Variants in DCAF6 observed in about 807,000 individuals in gnomAD.
The protein encoded by DCAF6 is DDB1 and CUL4 associated factor 6, also known as DDB1- and CUL4-associated factor 6.
In DCAF6, 54 loss-of-function variants were observed where a neutral mutation model predicts 125.1. The observed-to-expected ratio is 0.43, with a 90% CI of 0.35 to 0.54. The LOEUF (loss-of-function observed/expected upper bound fraction) is 0.54, where lower values mean the gene tolerates loss of function less well. Among genes scored for constraint, DCAF6 ranks in the 20% least tolerant of loss-of-function variants. The pLI, the probability that DCAF6 is intolerant of heterozygous loss-of-function variation, is 0.01. For missense variants in DCAF6, 934 were observed against 1,161.7 expected (o/e 0.80, Z 2.85); for synonymous variants, 371 against 390.4 (o/e 0.95, Z 0.58).
chr1:167,880,201 G>A, the DCAF6 span: 1 of 1,609,854 alleles, frequency 6.2e-7, no homozygotes, highest in South Asian at 1.1e-5. Context: ...TCTGGTGCAG[G>A]GGAGACAAGA....
chr1:168,024,755 GATTGCGCC>G (rs1002303877), intron 12 of DCAF6, among the ~76,000 whole-genome samples: 2 of 148,756 alleles, frequency 1.3e-5, no homozygotes, highest in Admixed American at 6.8e-5. Flanking sequence ...AGTGAGCCGA[GATTGCGCC>G]ATTGCACTCC....
intron 4 of DCAF6, among the ~76,000 whole-genome samples, chr1:167,978,316 C>T (rs557353515): frequency 3.9e-5 from 6 of 152,158 alleles, no homozygotes; most frequent in African/African-American, 9.7e-5. Flanking sequence ...AGTGTAGTAA[C>T]GACTTACATT....
At position 167,936,884 on chromosome 1, in the gene DCAF6, T is replaced by TC. The variant is rs1433263076; in HGVS notation, c.-24dup. The TC allele has an allele frequency of 1.1e-5, 16 of 1,478,484 alleles. No individual in the cohort carries two copies. In the South Asian group the frequency reaches 1.8e-4, roughly 17 times the overall value. 91.6% of individuals were successfully genotyped at this position (1,478,484 alleles called of 1,614,324 possible). A position where few individuals can be genotyped will look rare whatever the true frequency, so the allele number is the denominator to read the frequency against. ...TCCTCCCCTCCCCCACGCGGTGGTCTCCCCTCCCACCCGGCTCAGGCAGAG... is the reference window on the plus strand; with the variant it reads ...TCCTCCCCTCCCCCACGCGGTGGTCTCCCCCTCCCACCCGGCTCAGGCAGAG... On this transcript the variant is annotated 5_prime_UTR_variant, in exon 1 of 22. Coordinates refer to ENST00000367840, the MANE Select transcript of DCAF6 (RefSeq NM_001198956.2).
At chr1:168,022,386 A>C (rs1262643945) in intron 11 of DCAF6, among the ~76,000 whole-genome samples, 1 of 152,238 alleles carries the variant, frequency 6.6e-6, no homozygotes, top group Non-Finnish European at 1.5e-5. Context: ...ACGCTAAAGA[A>C]ACTTGAGCCT....
chr1:167,917,335 C>T, the DCAF6 span: 1 of 152,256 alleles, frequency 6.6e-6, no homozygotes, highest in Admixed American at 6.5e-5. Flanking sequence ...TATGGTGGCT[C>T]ATGCCTGTAT....
chr1:167,891,138 T>C, the DCAF6 span, among the ~76,000 whole-genome samples: 1 of 151,990 alleles, frequency 6.6e-6, no homozygotes, highest in African/African-American at 2.4e-5. Context: ...ATTTTTGTAT[T>C]TTTAGTAGAG....
intron 1 of DCAF6, among the ~76,000 whole-genome samples, chr1:167,951,596 C>T (rs1673953946): frequency 6.6e-6 from 1 of 151,916 alleles, no homozygotes; most frequent in African/African-American, 2.4e-5. Context: ...AAACAAAAAA[C>T]TGCGTGAGGT....
chr1:167,869,828 T>A, the DCAF6 span, among the ~76,000 whole-genome samples: 1 of 152,038 alleles, frequency 6.6e-6, no homozygotes, highest in African/African-American at 2.4e-5. Context: ...GCCTGCCGAT[T>A]CTCCCAGCTG....
chr1:167,872,186 A>G, the DCAF6 span, among the ~76,000 whole-genome samples: 3 of 152,144 alleles, frequency 2.0e-5, no homozygotes, highest in African/African-American at 7.2e-5. Context: ...TAAAAATACA[A>G]AATTAGCCGG....
the DCAF6 span, among the ~76,000 whole-genome samples, chr1:167,866,249 C>T: frequency 2.7e-4 from 41 of 152,230 alleles, no homozygotes; most frequent in Middle Eastern, 3.4e-3. Context: ...AATAAGACAT[C>T]GTAAAGCGAG....
chr1:167,925,464 TATATATATATAC>T, the DCAF6 span, among the ~76,000 whole-genome samples: 588 of 116,602 alleles, frequency 5.0e-3, 7 homozygotes, highest in African/African-American at 0.022. Flanking sequence ...TATATATATA[TATATATATATAC>T]ATATACATAT....
In DCAF6 at chr1:168,004,677, C is replaced by A. The variant is rs1180640806; in HGVS notation, c.1262C>A (p.Ala421Asp). The A allele has an allele frequency of 1.2e-6, 2 of 1,614,000 alleles. No individual in the cohort carries two copies. Among genetic ancestry groups the A allele is most frequent in the Admixed American group, 3.3e-5 (2 of 59,964 alleles). ...PSTSSTMSAQ[A>D]HSTSSPTESP... Reference sequence around the variant, plus strand: ...ACATCCTCTACAATGTCAGCTCAGGCTCATTCGACATCATCTCCCACAGAA... The same window carrying A: ...ACATCCTCTACAATGTCAGCTCAGGATCATTCGACATCATCTCCCACAGAA... Residue 421 changes from alanine (A) to aspartate (D), a missense_variant, in exon 10 of 22, where the codon GCT becomes GAT. By Grantham distance (126) the Ala-to-Asp change is moderately radical. This residue lies in a region of DCAF6 where 559 missense variants were observed against 635.5 expected (regional missense o/e 0.88). Coordinates refer to ENST00000367840, the MANE Select transcript of DCAF6 (RefSeq NM_001198956.2).
At chr1:167,899,472 T>C in the DCAF6 span, 1 of 1,614,178 alleles carries the variant, frequency 6.2e-7, no homozygotes, top group Non-Finnish European at 8.5e-7. Flanking sequence ...CATGCTCCGG[T>C]CACAGAGCTG....
At chr1:167,924,642 A>G in the DCAF6 span, 1 of 774,500 alleles carries the variant, frequency 1.3e-6, no homozygotes. Flanking sequence ...TTATCAACCT[A>G]TTTTTAACCA....
chr1:167,943,005 C>T (rs1672482058), intron 1 of DCAF6, among the ~76,000 whole-genome samples: 2 of 152,112 alleles, frequency 1.3e-5, no homozygotes, highest in African/African-American at 4.8e-5. Flanking sequence ...CTCCTGGGTT[C>T]ACACCATTCT....
chr1:167,866,291 C>A, the DCAF6 span, among the ~76,000 whole-genome samples: 3 of 152,286 alleles, frequency 2.0e-5, no homozygotes, highest in East Asian at 5.8e-4. Context: ...TCGACTCTCA[C>A]GTCCATTTAG....
At chr1:167,993,497 C>A (rs940841968) in intron 7 of DCAF6, 57 bp downstream of exon 7, 2 of 1,473,612 alleles carry the variant, frequency 1.4e-6, no homozygotes, top group Non-Finnish European at 1.9e-6. Flanking sequence ...CGCCTGTAAT[C>A]CCAGCGCTTT....
intron 2 of DCAF6, among the ~76,000 whole-genome samples, chr1:167,952,670 C>T (rs1674148509): frequency 6.6e-6 from 1 of 152,170 alleles, no homozygotes; most frequent in East Asian, 1.9e-4. Flanking sequence ...TGCACGAAGA[C>T]CCTGTCTTGG....
At position 167,987,478 on chromosome 1, in the gene DCAF6, T is replaced by A. The variant is rs890691330; in HGVS notation, c.439-17T>A. On this transcript the variant is annotated splice_polypyrimidine_tract_variant and intron_variant, in intron 4 of 21. Coordinates refer to ENST00000367840, the MANE Select transcript of DCAF6 (RefSeq NM_001198956.2). ...AAATGTTCGTATGATTATCTGCACT[T>A]TTCTTTTCATCTTCAGATTATGACT... The A allele has an allele frequency of 7.9e-7, 1 of 1,265,076 alleles. No individual in the cohort carries two copies. The highest frequency in any genetic ancestry group is 1.1e-6 in the Non-Finnish European group (1 of 871,326). The allele number at this position is 1,265,076 out of a possible 1,614,324, so 78.4% of individuals were successfully genotyped here. A position where few individuals can be genotyped will look rare whatever the true frequency, so the allele number is the denominator to read the frequency against.
Sources: gnomAD v4.1 joint callset for allele counts (sites outside exome capture counted in the v4.1 genomes callset) on GRCh38, gnomAD v4.1.1 for gene constraint, gnomAD v4.1.1 regional missense constraint, MANE v1.5 for transcripts, NCBI Gene and HGNC (gene_info 2026-07-23, HGNC 2026-07-21) for gene names.